The following ADAMTS6 variants were observed in gnomAD, a reference collection of about 807,000 sequenced individuals.
The protein encoded by ADAMTS6 is ADAM metallopeptidase with thrombospondin type 1 motif 6.
A neutral mutation model predicts 144.3 loss-of-function variants in ADAMTS6; 23 were observed. The ratio of observed to expected loss-of-function variants is 0.16; its 90% confidence interval spans 0.11 to 0.23. ADAMTS6 has a LOEUF of 0.23. Among genes scored for constraint, ADAMTS6 ranks in the 10% least tolerant of loss-of-function variants. The probability of loss-of-function intolerance (pLI) is 1.00; values close to 1 mark genes in which losing one functional copy is unlikely to be tolerated. For missense variants in ADAMTS6, 999 were observed against 1,379.6 expected, an observed-to-expected ratio of 0.72 and a Z score of 4.37; for synonymous variants, 444 against 457.5, an observed-to-expected ratio of 0.97 and a Z score of 0.38.
At chr5:65,457,688 A>G (rs934051315) in intron 4 of ADAMTS6, among the ~76,000 whole-genome samples, 3 of 151,962 alleles carry the variant, frequency 2.0e-5, no homozygotes, top group Non-Finnish European at 4.4e-5. Context: ...AAAATGATAG[A>G]ATAATTACAT....
intron 7 of ADAMTS6, among the ~76,000 whole-genome samples, chr5:65,398,373 G>A (rs867497606): frequency 6.6e-6 from 1 of 152,068 alleles, no homozygotes. Flanking sequence ...TTATCATTAC[G>A]TAATACCCTT....
At chr5:65,250,698 T>G (rs1760082198) in intron 14 of ADAMTS6, among the ~76,000 whole-genome samples, 1 of 152,186 alleles carries the variant, frequency 6.6e-6, no homozygotes. Flanking sequence ...CACCAGAAGT[T>G]CTATCATAAT....
chr5:65,288,785 C>T lies in ADAMTS6; in HGVS notation c.1512+2544G>A, dbSNP rs563217043. The stretch of plus-strand genomic sequence containing the variant: ...TTAGTGTTCATTTCAGCATGCTACA[C>T]TTAGACAGCTACCTAAATCAGGGCT... On this transcript the variant is annotated intron_variant, in intron 11 of 24. Transcript: ENST00000381055. Among the ~76,000 whole-genome samples the T allele has an allele frequency of 2.4e-4, 36 of 152,338 alleles. 1 individual carries two copies. In the South Asian group the frequency reaches 5.6e-3, roughly 24 times the overall value.
chr5:65,460,019 G>T (rs1282527486), intron 4 of ADAMTS6, 151 bp downstream of exon 4: 2 of 644,292 alleles, frequency 3.1e-6, no homozygotes, highest in African/African-American at 1.9e-5. Context: ...TAAAACTACT[G>T]GTAGGTGACA....
chr5:65,196,220 G>GT (rs1755337135), intron 21 of ADAMTS6, among the ~76,000 whole-genome samples: 1 of 152,090 alleles, frequency 6.6e-6, no homozygotes, highest in Non-Finnish European at 1.5e-5. Context: ...CTATTCCAGA[G>GT]TATTTCTAAA....
chr5:65,463,435 G>A (rs565894017), intron 3 of ADAMTS6, among the ~76,000 whole-genome samples: 21 of 152,222 alleles, frequency 1.4e-4, no homozygotes, highest in African/African-American at 4.8e-4. Flanking sequence ...ATTAGAAAGG[G>A]TCTGAAAACC....
chr5:65,328,235 C>T (rs955572568), intron 9 of ADAMTS6, among the ~76,000 whole-genome samples: 1 of 151,980 alleles, frequency 6.6e-6, no homozygotes, highest in Non-Finnish European at 1.5e-5. Flanking sequence ...ATTTTACTCT[C>T]CACTTCAACA....
At chr5:65,190,013 T>C (rs1754909303) in intron 21 of ADAMTS6, among the ~76,000 whole-genome samples, 1 of 152,214 alleles carries the variant, frequency 6.6e-6, no homozygotes, top group Non-Finnish European at 1.5e-5. Flanking sequence ...ATTGTGCCAG[T>C]TTTGTATACG....
intron 20 of ADAMTS6, chr5:65,209,842 G>A (rs1756373343): frequency 6.6e-6 from 1 of 152,182 alleles, no homozygotes; most frequent in South Asian, 2.1e-4. Flanking sequence ...TGAACATGGA[G>A]TATCTCAGTT....
chr5:65,275,098 G>A (rs1255650468), intron 11 of ADAMTS6, among the ~76,000 whole-genome samples: 1 of 150,790 alleles, frequency 6.6e-6, no homozygotes, highest in Non-Finnish European at 1.5e-5. Flanking sequence ...GCTGATGCCT[G>A]TAATCCCACA....
intron 7 of ADAMTS6, among the ~76,000 whole-genome samples, chr5:65,404,409 C>A (rs910439464): frequency 6.6e-6 from 1 of 152,064 alleles, no homozygotes; most frequent in African/African-American, 2.4e-5. Flanking sequence ...GGTCTTCTGT[C>A]CTTGCAATAG....
At chr5:65,302,107 A>AAT (rs1200317185) in intron 9 of ADAMTS6, among the ~76,000 whole-genome samples, 264 of 34,084 alleles carry the variant, frequency 7.7e-3, no homozygotes, top group Middle Eastern at 0.03. Context: ...AAAAAAAAAA[A>AAT]ATATATATAT....
At chr5:65,159,950 T>C (rs1195321915) in intron 24 of ADAMTS6, among the ~76,000 whole-genome samples, 1 of 152,212 alleles carries the variant, frequency 6.6e-6, no homozygotes, top group Non-Finnish European at 1.5e-5. Context: ...AGTAATATAA[T>C]CTAGATGGTG....
At chr5:65,250,014 T>G (rs967550990) in intron 14 of ADAMTS6, among the ~76,000 whole-genome samples, 1 of 152,212 alleles carries the variant, frequency 6.6e-6, no homozygotes, top group South Asian at 2.1e-4. Context: ...TCATCTCTTT[T>G]AAGAGCACTA....
At chr5:65,398,224 G>T (rs980907199) in intron 7 of ADAMTS6, among the ~76,000 whole-genome samples, 12 of 152,186 alleles carry the variant, frequency 7.9e-5, no homozygotes, top group African/African-American at 2.9e-4. Context: ...ATAGAGGGGT[G>T]CTGAAGTCTT....
rs143405544 is a variant in ADAMTS6, at chr5:65,459,777, A to G, written c.631+393T>C. Among the ~76,000 whole-genome samples the G allele has an allele frequency of 5.1e-3, 778 of 152,272 alleles. 7 individuals are homozygous for G. The highest frequency in any genetic ancestry group is 0.021 in the South Asian group (102 of 4,828). On this transcript the variant is annotated intron_variant, in intron 4 of 24. Coordinates refer to ENST00000381055, the MANE Select transcript of ADAMTS6 (RefSeq NM_197941.4). The stretch of plus-strand genomic sequence containing the variant: ...CTCAGTGCTAACACTACTTTTGAAT[A>G]CTATCTTAAGACTCTTCAAGTCTTA...
intron 7 of ADAMTS6, among the ~76,000 whole-genome samples, chr5:65,422,390 G>A (rs944380546): frequency 2.0e-5 from 3 of 152,328 alleles, no homozygotes; most frequent in Non-Finnish European, 4.4e-5. Context: ...CCAGCACTTT[G>A]GGAGTCCAAG....
In ADAMTS6 at chr5:65,404,517, T is replaced by C. The variant is rs979659771; in HGVS notation, c.1073+46958A>G. Among the ~76,000 whole-genome samples, 11 of 152,364 alleles carry C rather than the reference T, an allele frequency of 7.2e-5. No individual in the cohort carries two copies. In the East Asian group the frequency reaches 2.1e-3, roughly 29 times the overall value. Reference sequence around the variant, plus strand: ...TGCATAATATTCCATGGTGTGTATGTGCCACATTTTCTTAATCCAGTCTAT... The same window carrying C: ...TGCATAATATTCCATGGTGTGTATGCGCCACATTTTCTTAATCCAGTCTAT... On this transcript the variant is annotated intron_variant, in intron 7 of 24. Transcript: ENST00000381055.
chr5:65,261,484 A>G (rs1252944787), intron 13 of ADAMTS6, among the ~76,000 whole-genome samples: 1 of 151,968 alleles, frequency 6.6e-6, no homozygotes, highest in African/African-American at 2.4e-5. Context: ...TGATTAATTT[A>G]TAGCAGCTTT....
Sources: gnomAD v4.1 joint callset for allele counts (sites outside exome capture counted in the v4.1 genomes callset) on GRCh38, gnomAD v4.1.1 for gene constraint, MANE v1.5 for transcripts, NCBI Gene and HGNC (gene_info 2026-07-23, HGNC 2026-07-21) for gene names.